ADSS2: variants seen among roughly 807,000 people sequenced by gnomAD.
ADSS2 encodes the protein adenylosuccinate synthase 2, also known as adenylosuccinate synthetase isozyme 2.
In ADSS2, 30 loss-of-function variants were observed where a neutral mutation model predicts 60.0. The ratio of observed to expected loss-of-function variants is 0.50; its 90% CI spans 0.37 to 0.68. ADSS2 has a LOEUF of 0.68. Among genes scored for constraint, ADSS2 ranks in the 30% least tolerant of loss-of-function variants. ADSS2 has a pLI of 0.00. For missense variants in ADSS2, 373 were observed against 554.8 expected, an observed-to-expected ratio of 0.67 and a Z score of 3.29; for synonymous variants, 187 against 193.1, an observed-to-expected ratio of 0.97 and a Z score of 0.26.
intron 6 of ADSS2, among the ~76,000 whole-genome samples, 192 bp from the exon 7 acceptor site, chr1:244,423,108 T>A (rs1003330290): frequency 6.6e-6 from 1 of 152,208 alleles, no homozygotes; most frequent in African/African-American, 2.4e-5. Flanking sequence ...ACATTCAAAT[T>A]ATTTTTTTAC....
chr1:244,417,594 T>C, intron 10 of ADSS2, 34 bp downstream of exon 10: 1 of 1,607,448 alleles, frequency 6.2e-7, no homozygotes, highest in Non-Finnish European at 8.5e-7. Flanking sequence ...TCATCTATGA[T>C]TTCCTGAAAT....
intron 1 of ADSS2, among the ~76,000 whole-genome samples, chr1:244,440,738 T>A (rs1003135538): frequency 6.6e-6 from 1 of 152,220 alleles, no homozygotes; most frequent in Non-Finnish European, 1.5e-5. Context: ...ATATACTGTT[T>A]TATTTTACAT....
intron 1 of ADSS2, among the ~76,000 whole-genome samples, chr1:244,443,709 T>C (rs1293472923): frequency 2.0e-5 from 3 of 152,324 alleles, no homozygotes; most frequent in Non-Finnish European, 4.4e-5. Flanking sequence ...TTGACATTGT[T>C]TTTTTCAGTC....
chr1:244,409,671 C>A, intron 12 of ADSS2, 33 bp from the exon 13 acceptor site: 2 of 1,511,268 alleles, frequency 1.3e-6, no homozygotes, highest in Admixed American at 1.7e-5. Flanking sequence ...GGAATTGAAT[C>A]AATTCATCTC....
intron 1 of ADSS2, among the ~76,000 whole-genome samples, chr1:244,443,403 C>CA (rs1348273731): frequency 1.3e-5 from 2 of 151,944 alleles, no homozygotes; most frequent in African/African-American, 2.4e-5. Context: ...TATTACTTAA[C>CA]AAAAAAATAG....
intron 3 of ADSS2, among the ~76,000 whole-genome samples, chr1:244,435,103 A>T (rs1665052119): frequency 7.1e-6 from 1 of 139,992 alleles, no homozygotes; most frequent in African/African-American, 2.6e-5. Context: ...ACGAAGCAGA[A>T]GGTGCAGTGA....
Position 244,422,883 on chromosome 1 carries a change from T to A in ADSS2, c.615A>T (p.Ile205=). The change falls in exon 7 of 13, where the codon ATA becomes ATT. Residue 205 remains isoleucine (I), a synonymous_variant. Transcript: ENST00000366535. The part of the protein sequence containing the change: ...FKVLANQYKS[I]YPTLEIDIEG... Reference sequence around the variant, plus strand: ...CAATGTCTATTTCCAAAGTGGGGTATATAGATTTGTATTGGTTAGCTAGAA... The same window carrying A: ...CAATGTCTATTTCCAAAGTGGGGTAAATAGATTTGTATTGGTTAGCTAGAA... 6.3e-7 allele frequency: 1 copy of A among 1,597,584 alleles called. No individual in the cohort carries two copies. Among genetic ancestry groups the A allele is most frequent in the Non-Finnish European group, 8.6e-7 (1 of 1,165,554 alleles).
chr1:244,440,498 C>T (rs113592469), intron 1 of ADSS2, among the ~76,000 whole-genome samples: 5,296 of 152,108 alleles, frequency 0.035, 115 homozygotes, highest in Middle Eastern at 0.082. Context: ...CACAGGCAGA[C>T]GGAAACAGGG....
chr1:244,452,006 G>A (rs2148025173), upstream of ADSS2: 2 of 555,050 alleles, frequency 3.6e-6, no homozygotes, highest in South Asian at 3.0e-5. Flanking sequence ...CGCTCAAGGG[G>A]GTACCATGAC....
At chr1:244,433,434 A>C (rs1665000083) in intron 3 of ADSS2, among the ~76,000 whole-genome samples, 2 of 152,200 alleles carry the variant, frequency 1.3e-5, no homozygotes. Context: ...CATCCAAATA[A>C]AATACTTCTA....
intron 7 of ADSS2, among the ~76,000 whole-genome samples, chr1:244,421,675 T>C (rs139907220): frequency 6.6e-6 from 1 of 152,306 alleles, no homozygotes; most frequent in East Asian, 1.9e-4. Context: ...AGTCAAAAAG[T>C]TAAAATATTT....
At chr1:244,441,176 A>G (rs1384443419) in intron 1 of ADSS2, among the ~76,000 whole-genome samples, 1 of 151,034 alleles carries the variant, frequency 6.6e-6, no homozygotes, top group Non-Finnish European at 1.5e-5. Context: ...CTCCTGCCTC[A>G]GTCCCCCAAG....
intron 4 of ADSS2, among the ~76,000 whole-genome samples, chr1:244,432,222 T>C (rs927129329): frequency 6.6e-6 from 1 of 152,242 alleles, no homozygotes; most frequent in African/African-American, 2.4e-5. Flanking sequence ...CACTTACTTT[T>C]ACAAGAATAT....
At chr1:244,431,684 C>T (rs1452809454) in intron 4 of ADSS2, among the ~76,000 whole-genome samples, 2 of 152,084 alleles carry the variant, frequency 1.3e-5, no homozygotes, top group Non-Finnish European at 2.9e-5. Context: ...ATTAAGAAGC[C>T]TGTGGCAAAC....
chr1:244,437,036 A>G, intron 2 of ADSS2, 143 bp from the exon 3 acceptor site: 1 of 643,616 alleles, frequency 1.6e-6, no homozygotes, highest in Non-Finnish European at 2.7e-6. Flanking sequence ...ACATAATGGA[A>G]CATAATATAG....
intron 4 of ADSS2, among the ~76,000 whole-genome samples, chr1:244,429,925 T>C (rs144032418): frequency 1.0e-3 from 157 of 152,028 alleles, no homozygotes; most frequent in Non-Finnish European, 2.0e-3. Flanking sequence ...ATGTTTCTTA[T>C]AAGACTTTTT....
chr1:244,417,689 T>A lies in ADSS2; in HGVS notation c.1009A>T (p.Arg337Ter). ...EFGVTTGRKR[R>*]CGWLDLVLLK... ...AAAACGAGGTCCAACCAGCCACATCTTCTTTTCCTTCCAGTAGTTACACCA... is the reference window on the plus strand; with the variant it reads ...AAAACGAGGTCCAACCAGCCACATCATCTTTTCCTTCCAGTAGTTACACCA... The change falls in exon 10 of 13, where the codon AGA (arginine) becomes TGA (stop). Residue 337 changes from arginine to a stop codon, truncating the protein, a stop_gained. Coordinates refer to ENST00000366535, the MANE Select transcript of ADSS2 (RefSeq NM_001126.5). LOFTEE classifies it high-confidence loss of function. The A allele has an allele frequency of 1.2e-6, 2 of 1,613,076 alleles. No homozygotes were observed. The highest frequency in any genetic ancestry group is 1.7e-6 in the Non-Finnish European group (2 of 1,179,664).
At position 244,451,112 on chromosome 1, in the gene ADSS2, G is replaced by A. The variant is rs1333936730; in HGVS notation, c.183+523C>T. On this transcript the variant is annotated intron_variant, in intron 1 of 12. Coordinates refer to ENST00000366535, the MANE Select transcript of ADSS2 (RefSeq NM_001126.5). This position sits in a 1 kb window ranked among gnomAD's most constrained non-coding sequence, Gnocchi z 6.6. ...GAGGAAGCAAAGCACTGCATGCCAC[G>A]GTCCTGCAGATGGGGGATCGGTGAG... Among the ~76,000 whole-genome samples the A allele has an allele frequency of 6.6e-6, 1 of 152,166 alleles. No homozygotes were observed. The highest frequency in any genetic ancestry group is 2.4e-5 in the African/African-American group (1 of 41,438).
chr1:244,445,950 CT>C (rs1165542576), intron 1 of ADSS2, among the ~76,000 whole-genome samples: 1 of 152,116 alleles, frequency 6.6e-6, no homozygotes, highest in East Asian at 1.9e-4. Flanking sequence ...TATCTTTGTC[CT>C]TTTGCTTTGA....
Sources: allele counts gnomAD v4.1 joint callset (sites outside exome capture counted in the v4.1 genomes callset), GRCh38; gene constraint gnomAD v4.1.1; non-coding constraint Gnocchi (gnomAD v3.1); transcripts MANE v1.5; gene names NCBI Gene and HGNC (gene_info 2026-07-23, HGNC 2026-07-21).